The following OFD1 variants were observed in gnomAD, a reference collection of about 807,000 sequenced individuals.
The protein encoded by OFD1 is centriole and centriolar satellite protein OFD1.
A neutral mutation model predicts 81.4 loss-of-function variants in OFD1; 12 were observed. The observed-to-expected ratio is 0.15, with a 90% CI of 0.09 to 0.24. The LOEUF is 0.24. OFD1 is among the 10% of genes least tolerant of loss of function. The probability of loss-of-function intolerance (pLI) is 1.00; values close to 1 mark genes in which losing one functional copy is unlikely to be tolerated. For synonymous variants in OFD1, 256 were observed against 263.7 expected (o/e 0.97, Z 0.28); for missense variants, 685 against 733.9 (o/e 0.93, Z 0.77).
At chrX:13,765,387 T>A (rs2048088451) in intron 19 of OFD1, among the ~76,000 whole-genome samples, 1 of 111,694 alleles carries the variant, frequency 9.0e-6, no homozygotes, top group Non-Finnish European at 1.9e-5. Flanking sequence ...AGATTACTAT[T>A]CCATATAAGA....
intron 9 of OFD1, 124 bp downstream of exon 9, chrX:13,749,657 C>A: frequency 2.0e-6 from 1 of 491,916 alleles, no homozygotes; most frequent in Admixed American, 3.3e-5. Context: ...GGGGATATCA[C>A]CTAGAAGGTA....
upstream of OFD1, among the ~76,000 whole-genome samples, chrX:13,732,749 G>A (rs1276318832): frequency 8.8e-6 from 1 of 113,023 alleles, no homozygotes; most frequent in Non-Finnish European, 1.9e-5. Context: ...CAGTGAACTT[G>A]GAAGTCTCTT....
chrX:13,767,021 C>A, intron 19 of OFD1, 106 bp from the exon 20 acceptor site: 1 of 785,097 alleles, frequency 1.3e-6, no homozygotes, highest in Non-Finnish European at 1.9e-6. Context: ...CAACTAAAAG[C>A]CAAGCAGAGT....
At position 13,754,529 on chromosome X, in the gene OFD1, G is replaced by T. The variant is rs752670543; in HGVS notation, c.1130-622G>T. 3.0e-4 allele frequency among the ~76,000 whole-genome samples: 32 copies of T among 107,822 alleles called. No individual in the cohort carries two copies. The South Asian group carries it at 0.013, about 43-fold the overall frequency. 93.6% of individuals were successfully genotyped at this position (107,822 alleles called of 115,157 possible). ...CCTCCTGGGTTCAAGTGATTCTTGT[G>T]CCTCAGCCTCCCAAGTAGCTGGGAC... On this transcript the variant is annotated intron_variant, in intron 11 of 22. Coordinates refer to ENST00000340096, the MANE Select transcript of OFD1 (RefSeq NM_003611.3).
the OFD1 span, among the ~76,000 whole-genome samples, chrX:13,725,910 T>A: frequency 1.8e-5 from 2 of 111,610 alleles, no homozygotes; most frequent in Non-Finnish European, 3.8e-5. Context: ...AGAGAAGACC[T>A]TAAATGACCT....
chrX:13,739,019 A>G lies in OFD1; in HGVS notation c.399A>G (p.Lys133=). Residue 133 remains lysine, a synonymous_variant, in exon 5 of 23, where the codon AAA becomes AAG. Transcript: ENST00000340096. ...TTTAACAGGTTTCAGGATCTGATAAAGAAAATCAAAAAGGTAGGAGCCGTC... is the reference window on the plus strand; with the variant it reads ...TTTAACAGGTTTCAGGATCTGATAAGGAAAATCAAAAAGGTAGGAGCCGTC... ...LYKSLVSGSD[K]ENQKGFLMHF... is the part of the protein sequence containing the mutation. The G allele has an allele frequency of 1.7e-6, 2 of 1,203,567 alleles. No individual in the cohort carries two copies. Among genetic ancestry groups the G allele is most frequent in the Non-Finnish European group, 2.3e-6 (2 of 888,425 alleles).
the OFD1 span, among the ~76,000 whole-genome samples, chrX:13,724,301 C>T: frequency 1.9e-5 from 2 of 106,867 alleles, no homozygotes; most frequent in Admixed American, 2.0e-4. Context: ...AGAAGTAGGA[C>T]ACTAACTAGT....
chrX:13,760,197 G>A lies in OFD1; in HGVS notation c.1737G>A (p.Val579=), dbSNP rs766430580. 7.4e-6 allele frequency: 9 copies of A among 1,211,476 alleles called. No homozygotes were observed. The Middle Eastern group carries it at 6.9e-4, about 93-fold the overall frequency. ...SVNGLINGNV[V]PCNGEISGDF... ...ATGGATTAATAAATGGCAATGTGGT[G>A]CCTTGCAATGGTGAGATAAGTGGGG... The change falls in exon 16 of 23, where the codon GTG becomes GTA. Residue 579 remains valine (V), a synonymous_variant. Transcript: ENST00000340096.
intron 12 of OFD1, 112 bp downstream of exon 12, chrX:13,755,354 T>A: frequency 7.4e-6 from 4 of 540,131 alleles, no homozygotes; most frequent in Non-Finnish European, 1.3e-5. Flanking sequence ...CTGCCATTTA[T>A]ATGGCTAAGA....
At chrX:13,763,959 G>A (rs374536559) in intron 19 of OFD1, 104 bp downstream of exon 19, 5 of 635,446 alleles carry the variant, frequency 7.9e-6, no homozygotes, top group East Asian at 6.6e-5. Context: ...TCTTGTAGGT[G>A]TAAATTAGTC....
intron 2 of OFD1, chrX:13,736,033 G>T: frequency 2.2e-6 from 1 of 458,413 alleles, no homozygotes; most frequent in Non-Finnish European, 2.7e-6. Context: ...GTGGCAACAG[G>T]CTTATCTTTG....
At chrX:13,768,889 C>A in intron 22 of OFD1, 104 bp downstream of exon 22, 1 of 807,702 alleles carries the variant, frequency 1.2e-6, no homozygotes, top group South Asian at 2.1e-5. Context: ...GTTATTGAAT[C>A]AGTCAAAATT....
chrX:13,738,608 G>A (rs751702648), intron 3 of OFD1: 66 of 325,282 alleles, frequency 2.0e-4, no homozygotes, highest in South Asian at 5.6e-4. Context: ...CATCTTTGAT[G>A]TGAAGTACTT....
chrX:13,723,964 GTAGAA>G, the OFD1 span, among the ~76,000 whole-genome samples: 1 of 111,943 alleles, frequency 8.9e-6, no homozygotes, highest in African/African-American at 3.2e-5. Flanking sequence ...GGCCTTAAAA[GTAGAA>G]TAGGGAAGCA....
chrX:13,749,380 T>G, intron 8 of OFD1, 47 bp from the exon 9 acceptor site: 1 of 777,052 alleles, frequency 1.3e-6, no homozygotes, highest in Non-Finnish European at 2.0e-6. Flanking sequence ...CAAATCTGTT[T>G]TGCTTTCATT....
intron 8 of OFD1, among the ~76,000 whole-genome samples, chrX:13,747,553 CT>C (rs2047342424): frequency 9.0e-6 from 1 of 111,684 alleles, no homozygotes; most frequent in Non-Finnish European, 1.9e-5. Flanking sequence ...CTGGGGCTCT[CT>C]TGGGTAGTGA....
At chrX:13,720,196 A>G in the OFD1 span, 1 of 247,002 alleles carries the variant, frequency 4.0e-6, no homozygotes, top group African/African-American at 2.8e-5. Flanking sequence ...AATCTAATGT[A>G]TTTTCTTAAG....
chrX:13,760,938 A>T, intron 16 of OFD1, 147 bp from the exon 17 acceptor site: 1 of 830,597 alleles, frequency 1.2e-6, no homozygotes. Context: ...TGCTTGAATC[A>T]TTAGTTTTCT....
At chrX:13,726,975 G>A in the OFD1 span, among the ~76,000 whole-genome samples, 1 of 111,764 alleles carries the variant, frequency 8.9e-6, no homozygotes, top group South Asian at 3.8e-4. Context: ...TGATAAAACA[G>A]ACTTTAAACC....
Sources: allele counts gnomAD v4.1 joint callset (sites outside exome capture counted in the v4.1 genomes callset), GRCh38; gene constraint gnomAD v4.1.1; transcripts MANE v1.5; gene names NCBI Gene and HGNC (gene_info 2026-07-23, HGNC 2026-07-21).